The following ATAD2B variants were observed in gnomAD, a reference collection of about 807,000 sequenced individuals.
The protein encoded by ATAD2B is ATPase family AAA domain-containing protein 2B.
A neutral mutation model predicts 167.6 loss-of-function variants in ATAD2B; 40 were observed. That is an observed-to-expected ratio of 0.24 (90% CI 0.19 to 0.31). ATAD2B has a LOEUF of 0.31. ATAD2B is among the 10% of genes least tolerant of loss of function. ATAD2B has a pLI of 1.00. For missense variants in ATAD2B, 1,242 were observed against 1,757.2 expected (o/e 0.71, Z 5.24); for synonymous variants, 579 against 596.5 (o/e 0.97, Z 0.43).
chr2:23,872,541 T>G (rs1696158868), intron 8 of ATAD2B: 6 of 953,896 alleles, frequency 6.3e-6, no homozygotes, highest in Admixed American at 3.4e-5. Context: ...TGAGAGTCCT[T>G]CAGACTCTCA....
chr2:23,707,867 T>C, the ATAD2B span: 1 of 152,404 alleles, frequency 6.6e-6, no homozygotes, highest in Admixed American at 6.5e-5. Flanking sequence ...TCTTGTCACA[T>C]ACGAACCTGA....
intron 2 of ATAD2B, among the ~76,000 whole-genome samples, chr2:23,893,795 G>A (rs1417862097): frequency 6.7e-6 from 1 of 150,328 alleles, no homozygotes; most frequent in Non-Finnish European, 1.5e-5. Context: ...TTAGCCTTTC[G>A]AGTAGATCGG....
chr2:23,740,589 G>A, the ATAD2B span, among the ~76,000 whole-genome samples: 15,025 of 151,542 alleles, frequency 0.099, 832 homozygotes, highest in Middle Eastern at 0.17. Context: ...ACCCACAGCC[G>A]ATATCATACT....
intron 24 of ATAD2B, among the ~76,000 whole-genome samples, chr2:23,759,776 TCTA>T (rs1336171698): frequency 6.6e-6 from 1 of 152,192 alleles, no homozygotes; most frequent in African/African-American, 2.4e-5. Flanking sequence ...TCTGTATTAA[TCTA>T]CTGTTAAAAT....
chr2:23,926,431 AC>A (rs1704830765), intron 1 of ATAD2B, 123 bp downstream of exon 1: 1 of 1,421,108 alleles, frequency 7.0e-7, no homozygotes, highest in South Asian at 1.5e-5. Flanking sequence ...GCGCCCGCAG[AC>A]CCTGTCTCCA....
chr2:23,918,054 A>G (rs1275724780), intron 1 of ATAD2B, among the ~76,000 whole-genome samples: 1 of 151,978 alleles, frequency 6.6e-6, no homozygotes, highest in Non-Finnish European at 1.5e-5. Context: ...TCTCAAAAAA[A>G]AGAAAAAAAG....
chr2:23,797,758 G>A (rs930171172), intron 19 of ATAD2B, among the ~76,000 whole-genome samples: 2 of 152,026 alleles, frequency 1.3e-5, no homozygotes, highest in Non-Finnish European at 2.9e-5. Flanking sequence ...TAATAATTTT[G>A]TGCAAGAAAC....
chr2:23,790,763 T>G (rs561405053), intron 19 of ATAD2B, among the ~76,000 whole-genome samples: 1 of 152,350 alleles, frequency 6.6e-6, no homozygotes, highest in East Asian at 1.9e-4. Context: ...CCTTCTTTAA[T>G]GCACCACTCA....
chr2:23,737,053 CTCGA>C, the ATAD2B span, among the ~76,000 whole-genome samples: 1 of 152,226 alleles, frequency 6.6e-6, no homozygotes, highest in African/African-American at 2.4e-5. Flanking sequence ...AGCCTGGAAG[CTCGA>C]ACTGGATGGA....
chr2:23,905,957 T>C (rs1307198847), intron 1 of ATAD2B, among the ~76,000 whole-genome samples: 1 of 152,164 alleles, frequency 6.6e-6, no homozygotes, highest in Non-Finnish European at 1.5e-5. Context: ...CAAATTGGTG[T>C]AGTCTCAGTG....
chr2:23,843,224 TTGGA>T (rs1691207136), intron 13 of ATAD2B, among the ~76,000 whole-genome samples: 1 of 152,132 alleles, frequency 6.6e-6, no homozygotes, highest in Non-Finnish European at 1.5e-5. Context: ...AAAAAATGTG[TTGGA>T]TGAACATAAC....
At chr2:23,890,436 G>C (rs1246705159) in intron 2 of ATAD2B, among the ~76,000 whole-genome samples, 5 of 152,080 alleles carry the variant, frequency 3.3e-5, no homozygotes, top group Non-Finnish European at 7.4e-5. Flanking sequence ...AGGTATATGA[G>C]TGTGACTATA....
chr2:23,861,609 T>C (rs1489348770), intron 12 of ATAD2B, among the ~76,000 whole-genome samples: 1 of 151,662 alleles, frequency 6.6e-6, no homozygotes, highest in Non-Finnish European at 1.5e-5. Context: ...AGTAGCATGA[T>C]TTATGCTATG....
chr2:23,703,278 A>G, the ATAD2B span: 1 of 1,549,030 alleles, frequency 6.5e-7, no homozygotes, highest in East Asian at 2.5e-5. Flanking sequence ...GGCAAGATCT[A>G]CGTGTTTGGT....
the ATAD2B span, among the ~76,000 whole-genome samples, chr2:23,741,956 CTCA>C: frequency 1.3e-5 from 2 of 152,148 alleles, no homozygotes; most frequent in Non-Finnish European, 2.9e-5. Flanking sequence ...TGAAAAAATG[CTCA>C]TCATCACTGG....
intron 1 of ATAD2B, among the ~76,000 whole-genome samples, chr2:23,914,668 T>C (rs1404977060): frequency 2.0e-5 from 3 of 150,748 alleles, no homozygotes; most frequent in East Asian, 1.9e-4. Context: ...CGAAACCCCG[T>C]CTCTACTAAA....
chr2:23,887,743 T>A (rs1252948757), intron 4 of ATAD2B, 89 bp downstream of exon 4: 2 of 1,215,710 alleles, frequency 1.6e-6, no homozygotes, highest in East Asian at 2.6e-5. Flanking sequence ...TATTGATTGC[T>A]AAGTCGTTGC....
At chr2:23,831,324 C>T (rs1052363247) in intron 14 of ATAD2B, among the ~76,000 whole-genome samples, 3 of 151,822 alleles carry the variant, frequency 2.0e-5, no homozygotes, top group Non-Finnish European at 4.4e-5. Flanking sequence ...AAGATGTGTA[C>T]TATTTTATGC....
In ATAD2B at chr2:23,834,096, G is replaced by C; in HGVS notation, c.1569-18C>G. Reference sequence around the variant, plus strand: ...CTATAGAGCTGTAAAATAATTTTCAGGCAAAATTAAAAGAATTGTAAACAC... The same window carrying C: ...CTATAGAGCTGTAAAATAATTTTCACGCAAAATTAAAAGAATTGTAAACAC... On this transcript the variant is annotated intron_variant, in intron 13 of 27. Coordinates refer to ENST00000238789, the MANE Select transcript of ATAD2B (RefSeq NM_017552.4). 6.7e-7 allele frequency: 1 copy of C among 1,485,378 alleles called. No individual in the cohort carries two copies. Among genetic ancestry groups the C allele is most frequent in the South Asian group, 1.3e-5 (1 of 77,318 alleles). 92.0% of individuals were successfully genotyped at this position (1,485,378 alleles called of 1,614,324 possible). A position where few individuals can be genotyped will look rare whatever the true frequency, so the allele number is the denominator to read the frequency against.
Sources: gnomAD v4.1 joint callset for allele counts (sites outside exome capture counted in the v4.1 genomes callset) on GRCh38, gnomAD v4.1.1 for gene constraint, MANE v1.5 for transcripts, NCBI Gene and HGNC (gene_info 2026-07-23, HGNC 2026-07-21) for gene names.